The following RASSF9 variants were observed in gnomAD, a reference collection of about 807,000 sequenced individuals.
The protein encoded by RASSF9 is ras association domain-containing protein 9.
RASSF9 carries 18 observed loss-of-function variants against 21.4 expected under a neutral mutation model. The ratio of observed to expected loss-of-function variants is 0.84; its 90% confidence interval spans 0.58 to 1.25. The LOEUF is 1.25. RASSF9 is among the 50% of genes most tolerant of loss of function. The probability of loss-of-function intolerance (pLI) is 0.00; values close to 1 mark genes in which losing one functional copy is unlikely to be tolerated. For synonymous variants in RASSF9, 183 were observed against 179.1 expected (o/e 1.02, Z -0.18); for missense variants, 480 against 503.2 (o/e 0.95, Z 0.44).
intron 1 of RASSF9, among the ~76,000 whole-genome samples, chr12:85,832,367 G>C (rs1476976661): frequency 1.3e-5 from 2 of 151,738 alleles, no homozygotes; most frequent in African/African-American, 4.8e-5. Flanking sequence ...AAAACACTAA[G>C]AAATCATACC....
rs752918285 is a variant in RASSF9 at position 85,803,269 on chromosome 12, GAGA to G, written c.*1430_*1432del. ...TGCAAAAGAATAAAAGAGAAGAAAT[GAGA>G]AGGATTGGGACCCTTAACCAATGTC... On this transcript the variant is annotated 3_prime_UTR_variant, in exon 2 of 2. Transcript: ENST00000361228. 3 of 152,082 alleles carry G rather than the reference GAGA, an allele frequency of 2.0e-5. No homozygotes were observed. Among genetic ancestry groups the G allele is most frequent in the Non-Finnish European group, 4.4e-5 (3 of 67,986 alleles). The allele number at this position is 152,082 out of a possible 1,614,324, so 9.4% of individuals were successfully genotyped here.
chr12:85,824,571 C>A (rs113256510), intron 1 of RASSF9, among the ~76,000 whole-genome samples: 3,238 of 152,142 alleles, frequency 0.021, 124 homozygotes, highest in African/African-American at 0.074. Flanking sequence ...TTATTGAAAT[C>A]TTTAAACTAT....
chr12:85,831,443 A>G (rs1217757066), intron 1 of RASSF9, among the ~76,000 whole-genome samples: 11 of 151,982 alleles, frequency 7.2e-5, no homozygotes, highest in African/African-American at 2.4e-4. Context: ...ATTTTCTTGA[A>G]AAACAATTCA....
chr12:85,828,022 G>T (rs1880369408), intron 1 of RASSF9, among the ~76,000 whole-genome samples: 1 of 152,036 alleles, frequency 6.6e-6, no homozygotes, highest in African/African-American at 2.4e-5. Flanking sequence ...TTCAACATAT[G>T]GATTATATTA....
intron 1 of RASSF9, among the ~76,000 whole-genome samples, chr12:85,826,701 C>A (rs1051772831): frequency 6.6e-6 from 1 of 151,994 alleles, no homozygotes; most frequent in African/African-American, 2.4e-5. Flanking sequence ...CCTCGGCCTC[C>A]CAAAGTGCTG....
At chr12:85,807,687 A>G (rs1023848956) in intron 1 of RASSF9, among the ~76,000 whole-genome samples, 1 of 152,032 alleles carries the variant, frequency 6.6e-6, no homozygotes, top group African/African-American at 2.4e-5. Context: ...ACATGTATAT[A>G]TGGGCTTGAT....
At chr12:85,820,143 A>C (rs149903360) in intron 1 of RASSF9, among the ~76,000 whole-genome samples, 1 of 152,326 alleles carries the variant, frequency 6.6e-6, no homozygotes, top group African/African-American at 2.4e-5. Flanking sequence ...AATGTTTTTA[A>C]AAATTAAAAG....
chr12:85,820,482 T>C (rs1050052954), intron 1 of RASSF9, among the ~76,000 whole-genome samples: 2 of 152,214 alleles, frequency 1.3e-5, no homozygotes, highest in African/African-American at 4.8e-5. Context: ...TACAATTTTC[T>C]AAATGTATTT....
chr12:85,803,657 A>G lies in RASSF9; in HGVS notation c.*1045T>C, dbSNP rs1293861532. 1 of 152,202 alleles carries G rather than the reference A, an allele frequency of 6.6e-6. No individual in the cohort carries two copies. The highest frequency in any genetic ancestry group is 1.5e-5 in the Non-Finnish European group (1 of 68,028). 9.4% of individuals were successfully genotyped at this position (152,202 alleles called of 1,614,324 possible). The stretch of plus-strand genomic sequence containing the variant: ...AAGATAAGACCTAAATAATCCCTTC[A>G]ATTTCTTGAATTCTTACTAGTGTGT... On this transcript the variant is annotated 3_prime_UTR_variant, in exon 2 of 2. Transcript: ENST00000361228.
At chr12:85,832,538 T>C (rs1880474023) in intron 1 of RASSF9, among the ~76,000 whole-genome samples, 1 of 151,924 alleles carries the variant, frequency 6.6e-6, no homozygotes. Flanking sequence ...ATGGAATCTA[T>C]GTGAATGGTA....
In RASSF9 at chr12:85,805,848, CTGGATGACATCAGCAGAGG is replaced by C. The variant is rs781497928; in HGVS notation, c.143_161del (p.Thr48ArgfsTer27). The C allele has an allele frequency of 1.2e-5, 20 of 1,613,962 alleles. No individual in the cohort carries two copies. Among genetic ancestry groups the C allele is most frequent in the Non-Finnish European group, 1.7e-5 (20 of 1,179,888 alleles). On this transcript the variant is annotated frameshift_variant, in exon 2 of 2. Coordinates refer to ENST00000361228, the MANE Select transcript of RASSF9 (RefSeq NM_005447.4). LOFTEE classifies it high-confidence loss of function. ...TAGCCTCATGTTCCTCAAGCAAAGCCTGGATGACATCAGCAGAGGTGGTGCGTTTAGTCAGCCCACAGAC... is the reference window on the plus strand; with the variant it reads ...TAGCCTCATGTTCCTCAAGCAAAGCCTGGTGCGTTTAGTCAGCCCACAGAC...
Position 85,836,219 on chromosome 12 carries a change from A to G in RASSF9, c.-18T>C. 1 of 1,549,788 alleles carries G rather than the reference A, an allele frequency of 6.5e-7. No homozygotes were observed. The highest frequency in any genetic ancestry group is 8.7e-7 in the Non-Finnish European group (1 of 1,146,320). On this transcript the variant is annotated 5_prime_UTR_variant, in exon 1 of 2. Coordinates refer to ENST00000361228, the MANE Select transcript of RASSF9 (RefSeq NM_005447.4). ...GGAGCCATGGTCTGTCGGGCAAACG[A>G]ATAAAGAAATTATCTTAAAGTGATC... is the stretch of plus-strand genomic sequence containing the variant.
At chr12:85,806,081 C>T in intron 1 of RASSF9, 119 bp from the exon 2 acceptor site, 1 of 1,119,996 alleles carries the variant, frequency 8.9e-7, no homozygotes. Flanking sequence ...CATTTTTTTT[C>T]TGTCGCCCAG....
At chr12:85,829,012 T>C (rs1288747004) in intron 1 of RASSF9, among the ~76,000 whole-genome samples, 1 of 152,150 alleles carries the variant, frequency 6.6e-6, no homozygotes, top group East Asian at 1.9e-4. Flanking sequence ...TGGAAGACTG[T>C]GTTTTCCCAA....
chr12:85,810,349 G>A (rs1389184706), intron 1 of RASSF9, among the ~76,000 whole-genome samples: 1 of 151,962 alleles, frequency 6.6e-6, no homozygotes, highest in Non-Finnish European at 1.5e-5. Flanking sequence ...GTGGGAAACA[G>A]TGCCAGGGTT....
chr12:85,807,633 C>G (rs1181351912), intron 1 of RASSF9, among the ~76,000 whole-genome samples: 1 of 151,830 alleles, frequency 6.6e-6, no homozygotes, highest in Non-Finnish European at 1.5e-5. Flanking sequence ...ATAGATCCCC[C>G]CTACCCAGCA....
chr12:85,804,757 T>G lies in RASSF9; in HGVS notation c.1253A>C (p.Asn418Thr), dbSNP rs199660004. The G allele has an allele frequency of 1.0e-4, 166 of 1,613,844 alleles. No homozygotes were observed. The African/African-American group carries it at 2.1e-3, about 20-fold the overall frequency. Residue 418 changes from asparagine (N) to threonine (T), a missense_variant, in exon 2 of 2, where the codon AAC becomes ACC. Asn to Thr is a moderately conservative substitution (Grantham distance 65). Transcript: ENST00000361228. ...TGTTGTTTCGGAGTCCTGACTGTGG[T>G]TAGAACTGATACCAGTGTCCGAGTC... ...DTDSDTGISS[N>T]HSQDSETTVG...
chr12:85,816,975 G>A (rs1267896460), intron 1 of RASSF9, among the ~76,000 whole-genome samples: 1 of 152,076 alleles, frequency 6.6e-6, no homozygotes, highest in Non-Finnish European at 1.5e-5. Context: ...TGCCAAGTTC[G>A]GAAATAGAGT....
chr12:85,812,407 G>A (rs1361241240), intron 1 of RASSF9, among the ~76,000 whole-genome samples: 1 of 150,996 alleles, frequency 6.6e-6, no homozygotes, highest in Non-Finnish European at 1.5e-5. Context: ...ATATACACAA[G>A]AGAAATGTTT....
Sources: gnomAD v4.1 joint callset for allele counts (sites outside exome capture counted in the v4.1 genomes callset) on GRCh38, gnomAD v4.1.1 for gene constraint, MANE v1.5 for transcripts, NCBI Gene and HGNC (gene_info 2026-07-23, HGNC 2026-07-21) for gene names.